The following UHRF1 variants were observed in gnomAD, a reference collection of about 807,000 sequenced individuals.
UHRF1 encodes the protein E3 ubiquitin-protein ligase UHRF1.
A neutral mutation model predicts 96.5 loss-of-function variants in UHRF1; 9 were observed. The ratio of observed to expected loss-of-function variants is 0.09; its 90% CI spans 0.06 to 0.16. The LOEUF (loss-of-function observed/expected upper bound fraction) is 0.16. Among genes scored for constraint, UHRF1 ranks in the 10% least tolerant of loss-of-function variants. The probability of loss-of-function intolerance (pLI) is 1.00; values close to 1 mark genes in which losing one functional copy is unlikely to be tolerated. For missense variants in UHRF1, 626 were observed against 1,131.1 expected, an observed-to-expected ratio of 0.55 and a Z score of 6.40; for synonymous variants, 455 against 469.9, an observed-to-expected ratio of 0.97 and a Z score of 0.41.
At chr19:4,957,532 T>C (rs1275164330) in intron 16 of UHRF1, among the ~76,000 whole-genome samples, 1 of 152,068 alleles carries the variant, frequency 6.6e-6, no homozygotes, top group African/African-American at 2.4e-5. Context: ...ATGGTTTCGA[T>C]CTCCTGACCT....
At chr19:4,938,771 T>A (rs2033296166) in intron 5 of UHRF1, among the ~76,000 whole-genome samples, 2 of 128,690 alleles carry the variant, frequency 1.6e-5, no homozygotes, top group South Asian at 5.1e-4. Context: ...TGAGATAAGG[T>A]CTTGCTCTGT....
At chr19:4,919,094 G>A (rs923771788) in intron 2 of UHRF1, among the ~76,000 whole-genome samples, 1 of 146,698 alleles carries the variant, frequency 6.8e-6, no homozygotes, top group Non-Finnish European at 1.5e-5. Flanking sequence ...GCGCGATCTC[G>A]ACTCACTGCA....
chr19:4,941,490 G>C, intron 5 of UHRF1, 38 bp from the exon 6 acceptor site: 1 of 1,556,856 alleles, frequency 6.4e-7, no homozygotes, highest in Non-Finnish European at 8.8e-7. Flanking sequence ...TAGGGGCCTC[G>C]GCAGGCCAGA....
intron 2 of UHRF1, among the ~76,000 whole-genome samples, chr19:4,921,328 A>C (rs1489734746): frequency 6.6e-6 from 1 of 151,814 alleles, no homozygotes; most frequent in Non-Finnish European, 1.5e-5. Flanking sequence ...CATCGCAGCT[A>C]CTCGGGAGGC....
At chr19:4,926,323 A>T (rs2032870248) in intron 2 of UHRF1, among the ~76,000 whole-genome samples, 1 of 152,108 alleles carries the variant, frequency 6.6e-6, no homozygotes, top group African/African-American at 2.4e-5. Context: ...CTCTCCCCAA[A>T]GCCAGCTGCT....
chr19:4,920,837 T>A (rs2032677739), intron 2 of UHRF1, among the ~76,000 whole-genome samples: 1 of 152,080 alleles, frequency 6.6e-6, no homozygotes, highest in Non-Finnish European at 1.5e-5. Flanking sequence ...AGAAAATCGG[T>A]CAGGAGGGCC....
At chr19:4,909,998 A>T in intron 1 of UHRF1, 1 of 184,020 alleles carries the variant, frequency 5.4e-6, no homozygotes, top group Non-Finnish European at 1.1e-5. Context: ...GCGCGCCCTG[A>T]GTTCCCCGGG....
At chr19:4,951,660 A>G (rs944462133) in intron 13 of UHRF1, among the ~76,000 whole-genome samples, 1 of 148,872 alleles carries the variant, frequency 6.7e-6, no homozygotes, top group Admixed American at 6.9e-5. Context: ...CCAGTCAGGC[A>G]TCTGGTGTCT....
At chr19:4,911,404 A>G (rs2032270001) in intron 2 of UHRF1, among the ~76,000 whole-genome samples, 1 of 152,182 alleles carries the variant, frequency 6.6e-6, no homozygotes, top group African/African-American at 2.4e-5. Flanking sequence ...GGTAGCTAGG[A>G]CGGAGGGGAC....
In UHRF1 at chr19:4,930,718, C is replaced by A; in HGVS notation, c.411C>A (p.Val137=). The part of the protein sequence containing the change: ...WDETELGLYK[V]NEYVDARDTN... ...CAGACTTCCCTCATTCCTCACAGGT[C>A]AATGAGTACGTCGATGCTCGGGACA... Residue 137 remains valine (V), a splice_region_variant and synonymous_variant, in exon 4 of 17, where the codon GTC becomes GTA. Coordinates refer to ENST00000650932, the MANE Select transcript of UHRF1 (RefSeq NM_001048201.3). This position sits in a 1 kb window ranked among gnomAD's most constrained non-coding sequence, Gnocchi z 4.4. The A allele has an allele frequency of 6.2e-7, 1 of 1,613,628 alleles. No individual in the cohort carries two copies. Among genetic ancestry groups the A allele is most frequent in the Non-Finnish European group, 8.5e-7 (1 of 1,179,794 alleles).
chr19:4,953,111 C>T (rs906202766), intron 13 of UHRF1, among the ~76,000 whole-genome samples: 5 of 152,120 alleles, frequency 3.3e-5, no homozygotes, highest in African/African-American at 7.2e-5. Flanking sequence ...GCGCTTACCC[C>T]GACCCTGCCA....
At chr19:4,911,648 G>A (rs1057132809) in intron 2 of UHRF1, among the ~76,000 whole-genome samples, 1 of 152,148 alleles carries the variant, frequency 6.6e-6, no homozygotes, top group Non-Finnish European at 1.5e-5. Flanking sequence ...TCTCTGTTCT[G>A]TCTCCAGCCC....
At chr19:4,934,650 C>A (rs533145418) in intron 5 of UHRF1, among the ~76,000 whole-genome samples, 8 of 152,146 alleles carry the variant, frequency 5.3e-5, no homozygotes, top group African/African-American at 1.9e-4. Flanking sequence ...TTTTTGTGGC[C>A]GAGTGATAGT....
At chr19:4,955,167 C>G (rs912536908) in intron 15 of UHRF1, among the ~76,000 whole-genome samples, 2 of 152,106 alleles carry the variant, frequency 1.3e-5, no homozygotes, top group Non-Finnish European at 2.9e-5. Context: ...AAAGTGACCC[C>G]AAGCCTAGGA....
rs973345671 is a variant in UHRF1, at chr19:4,918,844, G to A, written c.153+7806G>A. On this transcript the variant is annotated intron_variant, in intron 2 of 16. Transcript: ENST00000650932. Reference sequence around the variant, plus strand: ...CAAGTGATCCTCCTGCCTCAGCCTCGCAAGTAGCAGGGACTATAGGCTGTA... The same window carrying A: ...CAAGTGATCCTCCTGCCTCAGCCTCACAAGTAGCAGGGACTATAGGCTGTA... Among the ~76,000 whole-genome samples the A allele has an allele frequency of 8.8e-5, 13 of 148,068 alleles. 1 individual carries two copies. Among genetic ancestry groups the A allele is most frequent in the Non-Finnish European group, 8.9e-5 (6 of 67,156 alleles).
At chr19:4,905,853 C>G (rs1056210162), upstream of UHRF1, among the ~76,000 whole-genome samples, 4 of 152,196 alleles carry the variant, frequency 2.6e-5, no homozygotes, top group African/African-American at 9.6e-5. Context: ...CAAGACAATT[C>G]TTCTTCCAAT....
rs1421747615 is a variant in UHRF1, at chr19:4,950,892, G to A, written c.1714G>A (p.Gly572Arg). ...ATACTGGCCCGAGAAGGGGAAGTCC[G>A]GGTTTCTCGTGTGGCGCTACCTTCT... ...VKYWPEKGKSGFLVWRYLLRR... is the reference protein window; with the variant it reads ...VKYWPEKGKSRFLVWRYLLRR... Residue 572 changes from glycine to arginine, a missense_variant, in exon 13 of 17, where the codon GGG becomes AGG. Around this residue, in one of 11 missense-constraint regions of UHRF1, gnomAD observed 61 missense variants for 199.2 expected, o/e 0.31. Coordinates refer to ENST00000650932, the MANE Select transcript of UHRF1 (RefSeq NM_001048201.3). The A allele has an allele frequency of 6.2e-7, 1 of 1,613,860 alleles. No individual in the cohort carries two copies. Among genetic ancestry groups the A allele is most frequent in the Non-Finnish European group, 8.5e-7 (1 of 1,179,882 alleles).
At chr19:4,923,846 A>C (rs2032781310) in intron 2 of UHRF1, among the ~76,000 whole-genome samples, 1 of 152,234 alleles carries the variant, frequency 6.6e-6, no homozygotes, top group Non-Finnish European at 1.5e-5. Flanking sequence ...AGCTTTGGCA[A>C]GAGCAGTGTG....
chr19:4,917,436 A>G (rs1277025769), intron 2 of UHRF1, among the ~76,000 whole-genome samples: 1 of 151,706 alleles, frequency 6.6e-6, no homozygotes, highest in East Asian at 2.0e-4. Flanking sequence ...CAGGCGGATC[A>G]CGAGGTCAAG....
Sources: allele counts gnomAD v4.1 joint callset (sites outside exome capture counted in the v4.1 genomes callset), GRCh38; gene constraint gnomAD v4.1.1; regional missense constraint gnomAD v4.1.1; non-coding constraint Gnocchi (gnomAD v3.1); transcripts MANE v1.5; gene names NCBI Gene and HGNC (gene_info 2026-07-23, HGNC 2026-07-21).